Variants in GNB2 observed in about 807,000 individuals in gnomAD.
The protein encoded by GNB2 is guanine nucleotide-binding protein G(I)/G(S)/G(T) subunit beta-2.
A neutral mutation model predicts 40.7 loss-of-function variants in GNB2; 7 were observed. The ratio of observed to expected loss-of-function variants is 0.17; its 90% CI spans 0.10 to 0.32. The LOEUF (loss-of-function observed/expected upper bound fraction) is 0.32. GNB2 is among the 10% of genes least tolerant of loss of function. GNB2 has a pLI of 1.00. For missense variants in GNB2, 286 were observed against 473.0 expected (o/e 0.60, Z 3.67); for synonymous variants, 254 against 191.2 (o/e 1.33, Z -2.71).
At chr7:100,674,418 C>T (rs971316551) in intron 1 of GNB2, among the ~76,000 whole-genome samples, 13 of 152,156 alleles carry the variant, frequency 8.5e-5, no homozygotes, top group Non-Finnish European at 1.8e-4. Context: ...TGGGTGCTGC[C>T]CGTGGTTTCT....
Position 100,677,394 on chromosome 7 carries a change from G to C in GNB2, c.246G>C (p.Trp82Cys). The change falls in exon 5 of 10, where the codon TGG becomes TGC. Residue 82 changes from tryptophan (W) to cysteine (C), a missense_variant. Coordinates refer to ENST00000303210, the MANE Select transcript of GNB2 (RefSeq NM_005273.4). ...SASQDGKLII[W>C]DSYTTNKVHA... The stretch of plus-strand genomic sequence containing the variant: ...CCCAGGATGGGAAGCTCATCATCTG[G>C]GACAGCTACACCACCAACAAGGTAG... 1 of 1,613,950 alleles carries C rather than the reference G, an allele frequency of 6.2e-7. No individual in the cohort carries two copies. Among genetic ancestry groups the C allele is most frequent in the Non-Finnish European group, 8.5e-7 (1 of 1,179,976 alleles).
At chr7:100,674,684 C>T (rs1804311774) in intron 1 of GNB2, among the ~76,000 whole-genome samples, 2 of 152,196 alleles carry the variant, frequency 1.3e-5, no homozygotes, top group African/African-American at 4.8e-5. Flanking sequence ...ACCCTCATTT[C>T]TCTATGGAGC....
At chr7:100,678,060 T>C (rs747822004) in intron 7 of GNB2, 38 bp from the exon 8 acceptor site, 12 of 1,519,814 alleles carry the variant, frequency 7.9e-6, no homozygotes, top group South Asian at 3.4e-5. Context: ...TTCTTCGCCC[T>C]GTCTCTTATC....
intron 2 of GNB2, 63 bp from the exon 3 acceptor site, chr7:100,676,470 CTT>C: frequency 1.4e-6 from 2 of 1,427,666 alleles, no homozygotes; most frequent in Non-Finnish European, 2.0e-6. Flanking sequence ...CTTCTGTTCT[CTT>C]CTCTCCCTTT....
rs1804412606 is a variant in GNB2 at position 100,678,478 on chromosome 7, G to A, written c.780G>A (p.Glu260=). ...CRLFDLRADQ[E]LLMYSHDNII... is the part of the protein sequence containing the mutation. ...TCTTCGACCTGCGGGCCGATCAGGAGCTCCTCATGTACTCCCATGACAACA... is the reference window on the plus strand; with the variant it reads ...TCTTCGACCTGCGGGCCGATCAGGAACTCCTCATGTACTCCCATGACAACA... Residue 260 remains glutamate (E), a synonymous_variant, in exon 9 of 10, where the codon GAG becomes GAA. Coordinates refer to ENST00000303210, the MANE Select transcript of GNB2 (RefSeq NM_005273.4). 1 of 1,613,798 alleles carries A rather than the reference G, an allele frequency of 6.2e-7. No homozygotes were observed. The highest frequency in any genetic ancestry group is 1.3e-5 in the African/African-American group (1 of 75,060).
At position 100,678,306 on chromosome 7, in the gene GNB2, T is replaced by C; in HGVS notation, c.699+7T>C. 1 of 1,612,644 alleles carries C rather than the reference T, an allele frequency of 6.2e-7. No homozygotes were observed. The highest frequency in any genetic ancestry group is 8.5e-7 in the Non-Finnish European group (1 of 1,179,242). On this transcript the variant is annotated splice_region_variant and intron_variant, in intron 8 of 9. Transcript: ENST00000303210. ...CGACATCAATGCAGTGGCTGTGAGT[T>C]TTGGGGCGAGCTAGGCCAGGCCCTC...
chr7:100,677,319 C>A (rs764056421), intron 4 of GNB2, 33 bp from the exon 5 acceptor site: 1 of 1,583,126 alleles, frequency 6.3e-7, no homozygotes, highest in African/African-American at 1.3e-5. Context: ...TTTCACGCCA[C>A]CCTTCTGCTC....
At chr7:100,675,121 G>A (rs1804321106) in intron 1 of GNB2, among the ~76,000 whole-genome samples, 1 of 151,286 alleles carries the variant, frequency 6.6e-6, no homozygotes, top group African/African-American at 2.4e-5. Context: ...CAGGCTCCCG[G>A]AGCGGAGCCA....
chr7:100,678,672 T>A (rs1173262307), intron 9 of GNB2, 23 bp from the exon 10 acceptor site: 1 of 1,611,358 alleles, frequency 6.2e-7, no homozygotes, highest in Non-Finnish European at 8.5e-7. Context: ...CCCAATGGGT[T>A]CTGACTTCTC....
chr7:100,676,370 G>T (rs1334452564), intron 2 of GNB2, 48 bp downstream of exon 2: 2 of 1,498,758 alleles, frequency 1.3e-6, no homozygotes, highest in South Asian at 2.3e-5. Context: ...ACCGCCCGGT[G>T]CCCTGGACCG....
chr7:100,676,156 C>T (rs1804341740), intron 1 of GNB2, 21 bp from the exon 2 acceptor site: 2 of 645,194 alleles, frequency 3.1e-6, no homozygotes, highest in Admixed American at 3.0e-5. Flanking sequence ...TCGGGCCTGA[C>T]GTCAGCCCTG....
chr7:100,676,688 T>C lies in GNB2; in HGVS notation c.97-5T>C. On this transcript the variant is annotated splice_polypyrimidine_tract_variant and splice_region_variant and intron_variant, in intron 3 of 9. Transcript: ENST00000303210. ...TCCCCGAGCGCATTCTGTCTCTACC[T>C]CCAGATCACAGCTGGGCTGGACCCA... is the stretch of plus-strand genomic sequence containing the variant. The C allele has an allele frequency of 1.2e-6, 2 of 1,605,232 alleles. No homozygotes were observed. Among genetic ancestry groups the C allele is most frequent in the Non-Finnish European group, 1.7e-6 (2 of 1,172,324 alleles).
chr7:100,674,314 C>G (rs781461109), intron 1 of GNB2, among the ~76,000 whole-genome samples: 291 of 151,750 alleles, frequency 1.9e-3, no homozygotes, highest in Non-Finnish European at 2.9e-3. Context: ...CTGTCGCACC[C>G]CTGCCGGCCC....
In GNB2 at chr7:100,676,328, G is replaced by C. The variant is rs769063188; in HGVS notation, c.57+6G>C. On this transcript the variant is annotated splice_donor_region_variant and intron_variant, in intron 2 of 9. Transcript: ENST00000303210. ...AGCTCCGGAACCAGATCCGGGTGAG[G>C]GCCTGGTGCGGGGCGGGCGATTCAT... is the stretch of plus-strand genomic sequence containing the variant. 6.2e-7 allele frequency: 1 copy of C among 1,601,672 alleles called. No homozygotes were observed. Among genetic ancestry groups the C allele is most frequent in the Non-Finnish European group, 8.5e-7 (1 of 1,173,722 alleles).
chr7:100,676,986 A>C lies in GNB2; in HGVS notation c.203+187A>C, dbSNP rs565242312. ...ATGCTGGTGAGAACTTGTGGGCTGC[A>C]GCTGGAGACTGTCTCTCAGGTGGCT... On this transcript the variant is annotated intron_variant, in intron 4 of 9. Coordinates refer to ENST00000303210, the MANE Select transcript of GNB2 (RefSeq NM_005273.4). 4 of 599,242 alleles carry C rather than the reference A, an allele frequency of 6.7e-6. No homozygotes were observed. In the South Asian group the frequency reaches 8.1e-5, roughly 12 times the overall value. The allele number at this position is 599,242 out of a possible 1,614,324, so 37.1% of individuals were successfully genotyped here.
chr7:100,676,405 G>T (rs1427922913), intron 2 of GNB2, 83 bp downstream of exon 2: 24 of 1,233,288 alleles, frequency 1.9e-5, no homozygotes, highest in Admixed American at 1.4e-4. Context: ...GTTGGTGGGG[G>T]AAGGGGGAGG....
rs1407690261 is a variant in GNB2, at chr7:100,676,226, C to T, written c.-40C>T. 1 of 1,358,696 alleles carries T rather than the reference C, an allele frequency of 7.4e-7. No individual in the cohort carries two copies. The highest frequency in any genetic ancestry group is 2.0e-5 in the Admixed American group (1 of 49,078). 84.2% of individuals were successfully genotyped at this position (1,358,696 alleles called of 1,614,324 possible). ...GCCTCCCCCAGCCCCCGTCCCGCGG[C>T]CCCCAGCCGCCCCCAACCCTGCCCC... On this transcript the variant is annotated 5_prime_UTR_variant, in exon 2 of 10. Transcript: ENST00000303210.
rs1031005544 is a variant in GNB2 at position 100,674,719 on chromosome 7, TG to T, written c.-90+801del. ...CGCCGGCTGCTATATCCCTAGAGTC[TG>T]GGGGCTGCTGAGGGCCCTGGGGGGT... On this transcript the variant is annotated intron_variant, in intron 1 of 9. Coordinates refer to ENST00000303210, the MANE Select transcript of GNB2 (RefSeq NM_005273.4). 3.9e-5 allele frequency among the ~76,000 whole-genome samples: 6 copies of T among 152,172 alleles called. No homozygotes were observed. The East Asian group carries it at 9.7e-4, about 25-fold the overall frequency.
Position 100,676,543 on chromosome 7 carries a change from A to C in GNB2, c.66A>C (p.Arg22=). 6.2e-7 allele frequency: 1 copy of C among 1,611,746 alleles called. No homozygotes were observed. The highest frequency in any genetic ancestry group is 8.5e-7 in the Non-Finnish European group (1 of 1,177,892). ...EQLRNQIRDA[R]KACGDSTLTQ... ...TCTGCCATCCCTTACAGGATGCCCG[A>C]AAAGCATGTGGGGACTCAACACTGA... The change falls in exon 3 of 10, where the codon CGA becomes CGC. Residue 22 remains arginine, a synonymous_variant. Coordinates refer to ENST00000303210, the MANE Select transcript of GNB2 (RefSeq NM_005273.4).
Sources: allele counts gnomAD v4.1 joint callset (sites outside exome capture counted in the v4.1 genomes callset), GRCh38; gene constraint gnomAD v4.1.1; transcripts MANE v1.5; gene names NCBI Gene and HGNC (gene_info 2026-07-23, HGNC 2026-07-21).